IFT57: variants seen among roughly 807,000 people sequenced by gnomAD.
The protein encoded by IFT57 is intraflagellar transport protein 57 homolog.
IFT57 carries 59 observed loss-of-function variants against 56.8 expected under a neutral mutation model. That is an observed-to-expected ratio of 1.04 (90% confidence interval 0.84 to 1.29). The LOEUF (loss-of-function observed/expected upper bound fraction) is 1.29. Among genes scored for constraint, IFT57 ranks in the 50% most tolerant of loss-of-function variants. IFT57 has a pLI of 0.00. For synonymous variants in IFT57, 209 were observed against 186.1 expected, an observed-to-expected ratio of 1.12 and a Z score of -1.00; for missense variants, 470 against 522.1, an observed-to-expected ratio of 0.90 and a Z score of 0.97.
chr3:108,163,201 A>G (rs2108306425), intron 10 of IFT57, among the ~76,000 whole-genome samples: 1 of 152,266 alleles, frequency 6.6e-6, no homozygotes, highest in East Asian at 1.9e-4. Context: ...TTACCAGAGG[A>G]TGATTAATTC....
rs533677423 is a variant in IFT57, at chr3:108,169,133, C to T, written c.778-1269G>A. On this transcript the variant is annotated intron_variant, in intron 6 of 10. Coordinates refer to ENST00000264538, the MANE Select transcript of IFT57 (RefSeq NM_018010.4). ...CCAACAGTGTAAAAGTGTTCCTATT[C>T]TCCACATCCTCACTAGCAGCTGTTG... is the stretch of plus-strand genomic sequence containing the variant. Among the ~76,000 whole-genome samples the T allele has an allele frequency of 5.3e-5, 8 of 152,092 alleles. No individual in the cohort carries two copies. In the South Asian group the frequency reaches 1.7e-3, roughly 32 times the overall value.
At chr3:108,165,118 G>A (rs1173032143) in intron 9 of IFT57, among the ~76,000 whole-genome samples, 1 of 151,928 alleles carries the variant, frequency 6.6e-6, no homozygotes. Flanking sequence ...GATTCCTTAA[G>A]TCAGTGCTTT....
chr3:108,187,000 T>C (rs1283328342), intron 6 of IFT57, among the ~76,000 whole-genome samples: 4 of 152,152 alleles, frequency 2.6e-5, no homozygotes, highest in African/African-American at 9.7e-5. Context: ...TAGTAAGGTG[T>C]CCAGCCAACA....
intron 6 of IFT57, among the ~76,000 whole-genome samples, chr3:108,169,101 A>G (rs2080078532): frequency 6.6e-6 from 1 of 151,882 alleles, no homozygotes; most frequent in Non-Finnish European, 1.5e-5. Flanking sequence ...ACTAATTTAC[A>G]CTCCCACCAA....
At chr3:108,208,959 C>T (rs955458068) in intron 4 of IFT57, among the ~76,000 whole-genome samples, 4 of 152,158 alleles carry the variant, frequency 2.6e-5, no homozygotes, top group African/African-American at 9.7e-5. Context: ...CAAATCCAGG[C>T]AGGTCTACTT....
intron 6 of IFT57, among the ~76,000 whole-genome samples, chr3:108,173,554 A>T (rs1433018901): frequency 6.6e-6 from 1 of 151,870 alleles, no homozygotes; most frequent in African/African-American, 2.4e-5. Context: ...AAAGGCTTAC[A>T]TTAGCCTCAG....
chr3:108,222,409 C>A lies in IFT57; in HGVS notation c.-87G>T. ...AGCCCTGCCGCCGCCAGTACAGCCA[C>A]GACCGGTTACCAGGCGACCACCGGA... On this transcript the variant is annotated 5_prime_UTR_variant, in exon 1 of 11. Transcript: ENST00000264538. 8.6e-7 allele frequency: 1 copy of A among 1,162,502 alleles called. No homozygotes were observed. The highest frequency in any genetic ancestry group is 1.7e-5 in the South Asian group (1 of 60,030). 72.0% of individuals were successfully genotyped at this position (1,162,502 alleles called of 1,614,324 possible).
chr3:108,213,891 G>A (rs775140293), intron 4 of IFT57, 40 bp downstream of exon 4: 9 of 1,221,294 alleles, frequency 7.4e-6, no homozygotes, highest in East Asian at 7.0e-5. Flanking sequence ...GGAAGTGGCC[G>A]AAAGGTGAAA....
chr3:108,167,291 C>T (rs1375824937), intron 7 of IFT57: 4 of 239,354 alleles, frequency 1.7e-5, no homozygotes, highest in South Asian at 6.3e-5. Context: ...AAGGGAATAA[C>T]GTGAGTTTCC....
intron 6 of IFT57, 67 bp downstream of exon 6, chr3:108,191,453 AC>A: frequency 9.4e-7 from 1 of 1,063,760 alleles, no homozygotes; most frequent in Non-Finnish European, 1.3e-6. Flanking sequence ...AATTGGGAGT[AC>A]CCCTAACCCT....
rs1192489795 is a variant in IFT57, at chr3:108,191,560, T to G, written c.738A>C (p.Val246=). The G allele has an allele frequency of 6.2e-7, 1 of 1,609,342 alleles. No individual in the cohort carries two copies. ...AAEWSLEVER[V]LPQLKVTIRT... ...TAATCGTGACTTTCAGTTGCGGTAG[T>G]ACACGTTCCACTTCTAGGCTCCATT... The change falls in exon 6 of 11, where the codon GTA becomes GTC. Residue 246 remains valine, a synonymous_variant. Transcript: ENST00000264538.
intron 6 of IFT57, among the ~76,000 whole-genome samples, chr3:108,172,853 T>C (rs886980075): frequency 1.3e-5 from 2 of 151,868 alleles, no homozygotes; most frequent in Non-Finnish European, 2.9e-5. Flanking sequence ...TGCACTTAAG[T>C]TTGATAAGCT....
At chr3:108,208,245 T>C (rs1242465254) in intron 4 of IFT57, among the ~76,000 whole-genome samples, 1 of 152,168 alleles carries the variant, frequency 6.6e-6, no homozygotes, top group Non-Finnish European at 1.5e-5. Flanking sequence ...TCACTTTATA[T>C]CTTAAAACTG....
At chr3:108,216,708 A>G (rs1023492951) in intron 3 of IFT57, among the ~76,000 whole-genome samples, 20 of 152,348 alleles carry the variant, frequency 1.3e-4, no homozygotes, top group African/African-American at 4.8e-4. Context: ...CACAATACTC[A>G]AGATACGGAA....
intron 9 of IFT57, 64 bp downstream of exon 9, chr3:108,165,367 T>C (rs1284629896): frequency 4.6e-6 from 6 of 1,300,970 alleles, no homozygotes; most frequent in Non-Finnish European, 6.7e-6. Context: ...AAACCATTTG[T>C]AGGTTCTCAA....
Position 108,219,584 on chromosome 3 carries a change from CAAG to C in IFT57, c.213-15_213-13del. 1 of 1,611,726 alleles carries C rather than the reference CAAG, an allele frequency of 6.2e-7. No individual in the cohort carries two copies. Among genetic ancestry groups the C allele is most frequent in the Non-Finnish European group, 8.5e-7 (1 of 1,178,060 alleles). On this transcript the variant is annotated splice_polypyrimidine_tract_variant and intron_variant, in intron 1 of 10. Coordinates refer to ENST00000264538, the MANE Select transcript of IFT57 (RefSeq NM_018010.4). ...GTGCAAAATAGTGTCTGTTTCAAAACAAGGAGGAATGGGGGCGGATGTGAAATA... is the reference window on the plus strand; with the variant it reads ...GTGCAAAATAGTGTCTGTTTCAAAACGAGGAATGGGGGCGGATGTGAAATA...
chr3:108,220,652 T>A (rs2080401003), intron 1 of IFT57, among the ~76,000 whole-genome samples: 1 of 152,182 alleles, frequency 6.6e-6, no homozygotes, highest in Admixed American at 6.5e-5. Context: ...ACTGTAAACC[T>A]AGGACAGTGG....
intron 5 of IFT57, among the ~76,000 whole-genome samples, chr3:108,193,867 G>C (rs759538826): frequency 6.6e-6 from 1 of 152,200 alleles, no homozygotes; most frequent in Non-Finnish European, 1.5e-5. Context: ...GGCACATTGA[G>C]TACCTGTCTT....
chr3:108,205,994 TTA>T (rs71103464), intron 5 of IFT57, among the ~76,000 whole-genome samples: 5 of 114,278 alleles, frequency 4.4e-5, no homozygotes, highest in Admixed American at 1.1e-4. Flanking sequence ...TATAATATAT[TTA>T]TGTTATATAT....
Sources: gnomAD v4.1 joint callset for allele counts (sites outside exome capture counted in the v4.1 genomes callset) on GRCh38, gnomAD v4.1.1 for gene constraint, MANE v1.5 for transcripts, NCBI Gene and HGNC (gene_info 2026-07-23, HGNC 2026-07-21) for gene names.